RAF1: variants seen among roughly 807,000 people sequenced by gnomAD.
The protein encoded by RAF1 is RAF proto-oncogene serine/threonine-protein kinase.
Under a neutral mutation model 81.1 loss-of-function variants are expected in RAF1, and 27 were observed. That is an observed-to-expected ratio of 0.33 (90% CI 0.25 to 0.46). The LOEUF is 0.46. Among genes scored for constraint, RAF1 ranks in the 20% least tolerant of loss-of-function variants. The pLI, the probability that RAF1 is intolerant of heterozygous loss-of-function variation, is 1.00. For synonymous variants in RAF1, 298 were observed against 294.0 expected, an observed-to-expected ratio of 1.01 and a Z score of -0.14; for missense variants, 598 against 826.0, an observed-to-expected ratio of 0.72 and a Z score of 3.38.
chr3:12,641,488 T>C (rs544812782), intron 1 of RAF1, among the ~76,000 whole-genome samples: 1 of 145,280 alleles, frequency 6.9e-6, no homozygotes. Flanking sequence ...AAATGTTTTT[T>C]GGTTTTTTTT....
chr3:12,584,319 G>A lies in RAF1; in HGVS notation c.*195C>T. The A allele has an allele frequency of 1.5e-6, 1 of 659,036 alleles. No individual in the cohort carries two copies. 40.8% of individuals were successfully genotyped at this position (659,036 alleles called of 1,614,324 possible). A position where few individuals can be genotyped will look rare whatever the true frequency, so the allele number is the denominator to read the frequency against. On this transcript the variant is annotated 3_prime_UTR_variant, in exon 18 of 18. Transcript: ENST00000442415. ...AGCAGGACACACCAGCACTGCAAAT[G>A]GCTTCCTTCTCCCAGGGCCCAAAGG...
chr3:12,629,848 T>C (rs574416454), intron 1 of RAF1, among the ~76,000 whole-genome samples: 2 of 152,332 alleles, frequency 1.3e-5, no homozygotes, highest in South Asian at 2.1e-4. Context: ...TGCAGTGGCA[T>C]GATCATGGCT....
At chr3:12,605,478 A>G (rs753665136) in intron 6 of RAF1, among the ~76,000 whole-genome samples, 1 of 152,146 alleles carries the variant, frequency 6.6e-6, no homozygotes, top group Non-Finnish European at 1.5e-5. Flanking sequence ...GGGTTTCACC[A>G]TGTTGGCCAG....
intron 1 of RAF1, among the ~76,000 whole-genome samples, chr3:12,643,743 A>T (rs57501655): frequency 1.8e-4 from 24 of 135,640 alleles, no homozygotes; most frequent in East Asian, 7.8e-4. Flanking sequence ...TCTCAAAAAA[A>T]AAAAAATAAA....
intron 1 of RAF1, among the ~76,000 whole-genome samples, chr3:12,657,488 G>A (rs141754007): frequency 1.0e-3 from 153 of 152,164 alleles, no homozygotes; most frequent in African/African-American, 3.6e-3. Context: ...TTCCAGGCAG[G>A]GGCCAGGCGC....
At chr3:12,618,052 C>T (rs1355739000) in intron 2 of RAF1, among the ~76,000 whole-genome samples, 1 of 152,122 alleles carries the variant, frequency 6.6e-6, no homozygotes, top group Non-Finnish European at 1.5e-5. Flanking sequence ...GATTTCTAAG[C>T]TGCCTCCAGA....
chr3:12,627,572 C>A (rs1304435251), intron 1 of RAF1, among the ~76,000 whole-genome samples: 1 of 152,190 alleles, frequency 6.6e-6, no homozygotes, highest in African/African-American at 2.4e-5. Context: ...ATCTATCAAT[C>A]ATGAATTTAT....
At chr3:12,662,710 T>G (rs1476423190) in intron 1 of RAF1, among the ~76,000 whole-genome samples, 1 of 152,092 alleles carries the variant, frequency 6.6e-6, no homozygotes, top group Admixed American at 6.6e-5. Flanking sequence ...CCTCACCCGA[T>G]GAGCACTTAC....
chr3:12,619,062 G>A (rs985015202), intron 1 of RAF1, among the ~76,000 whole-genome samples: 4 of 150,890 alleles, frequency 2.7e-5, no homozygotes, highest in African/African-American at 9.7e-5. Flanking sequence ...TGGCTAACAC[G>A]GTGAAACCCC....
At chr3:12,629,895 G>A (rs1302365784) in intron 1 of RAF1, among the ~76,000 whole-genome samples, 1 of 152,302 alleles carries the variant, frequency 6.6e-6, no homozygotes, top group East Asian at 1.9e-4. Flanking sequence ...CAATCCTCCT[G>A]CCTCAGCTTC....
intron 1 of RAF1, among the ~76,000 whole-genome samples, chr3:12,634,201 G>A (rs1310112134): frequency 1.3e-5 from 2 of 148,708 alleles, no homozygotes; most frequent in South Asian, 2.1e-4. Context: ...ATGCTGGAGT[G>A]CAGTGGCATG....
At chr3:12,655,080 T>C (rs1311288411) in intron 1 of RAF1, among the ~76,000 whole-genome samples, 1 of 150,446 alleles carries the variant, frequency 6.6e-6, no homozygotes, top group Non-Finnish European at 1.5e-5. Context: ...TCACAGTCAT[T>C]AGGGTTGTTA....
intron 11 of RAF1, among the ~76,000 whole-genome samples, chr3:12,596,842 A>G (rs1380810709): frequency 6.6e-6 from 1 of 152,176 alleles, no homozygotes; most frequent in Non-Finnish European, 1.5e-5. Flanking sequence ...GCATGGCATA[A>G]AAGTCCACTG....
intron 1 of RAF1, among the ~76,000 whole-genome samples, chr3:12,650,121 G>A (rs538012644): frequency 3.7e-4 from 53 of 143,230 alleles, no homozygotes; most frequent in East Asian, 1.4e-3. Context: ...ACTCCAGCCC[G>A]GGAGACAGTG....
At chr3:12,586,311 G>C (rs2058331144) in intron 14 of RAF1, among the ~76,000 whole-genome samples, 1 of 152,104 alleles carries the variant, frequency 6.6e-6, no homozygotes, top group African/African-American at 2.4e-5. Flanking sequence ...TTCCTCACTA[G>C]AATCGGTACC....
chr3:12,660,804 G>A (rs1048204162), intron 1 of RAF1, among the ~76,000 whole-genome samples: 14 of 152,124 alleles, frequency 9.2e-5, no homozygotes, highest in East Asian at 3.9e-4. Flanking sequence ...GTGAAATCCC[G>A]TCTCTACTAA....
intron 1 of RAF1, among the ~76,000 whole-genome samples, chr3:12,631,314 A>C (rs1261838389): frequency 6.6e-6 from 1 of 152,224 alleles, no homozygotes; most frequent in Non-Finnish European, 1.5e-5. Flanking sequence ...ATGGTTCAAT[A>C]GTGGCCAGGC....
intron 6 of RAF1, 24 bp downstream of exon 6, chr3:12,606,177 G>C (rs1018634824): frequency 2.3e-5 from 36 of 1,576,288 alleles, no homozygotes; most frequent in Non-Finnish European, 3.1e-5. Context: ...CTTTCTAAAA[G>C]AAAAGCTATA....
chr3:12,618,100 T>C (rs2059433429), intron 2 of RAF1, among the ~76,000 whole-genome samples: 1 of 152,138 alleles, frequency 6.6e-6, no homozygotes. Flanking sequence ...AAATAATCTT[T>C]TCTATGTAAC....
Sources: allele counts gnomAD v4.1 joint callset (sites outside exome capture counted in the v4.1 genomes callset), GRCh38; gene constraint gnomAD v4.1.1; transcripts MANE v1.5; gene names NCBI Gene and HGNC (gene_info 2026-07-23, HGNC 2026-07-21).